Variants in RORC observed in about 807,000 individuals in gnomAD.
The protein encoded by RORC is nuclear receptor ROR-gamma.
Under a neutral mutation model 64.5 loss-of-function variants are expected in RORC, and 13 were observed. The ratio of observed to expected loss-of-function variants is 0.20; its 90% CI spans 0.13 to 0.32. The LOEUF is 0.32. Among genes scored for constraint, RORC ranks in the 10% least tolerant of loss-of-function variants. RORC has a pLI of 1.00. For synonymous variants in RORC, 277 were observed against 259.3 expected (o/e 1.07, Z -0.65); for missense variants, 468 against 669.5 (o/e 0.70, Z 3.32).
chr1:151,825,805 A>C, intron 2 of RORC: 1 of 1,152,576 alleles, frequency 8.7e-7, no homozygotes, highest in Non-Finnish European at 1.3e-6. Flanking sequence ...ACAGATCTTG[A>C]CCTTGACCAG....
chr1:151,831,313 C>A (rs1051955352), intron 1 of RORC, among the ~76,000 whole-genome samples: 1 of 152,190 alleles, frequency 6.6e-6, no homozygotes, highest in Non-Finnish European at 1.5e-5. Context: ...CTCCCGGCCA[C>A]TGCTGTCTGG....
At chr1:151,820,041 G>A (rs764659576) in intron 2 of RORC, among the ~76,000 whole-genome samples, 6 of 152,096 alleles carry the variant, frequency 3.9e-5, no homozygotes, top group South Asian at 2.1e-4. Context: ...AGACGGCTGC[G>A]GAAACACTGA....
chr1:151,813,395 G>A (rs1381830134), intron 7 of RORC, 49 bp from the exon 8 acceptor site: 3 of 1,607,656 alleles, frequency 1.9e-6, no homozygotes, highest in Non-Finnish European at 2.6e-6. Flanking sequence ...GCAAAGCCAG[G>A]ATCTGACTCT....
chr1:151,818,923 C>G (rs1159279650), intron 2 of RORC, among the ~76,000 whole-genome samples: 1 of 152,158 alleles, frequency 6.6e-6, no homozygotes, highest in African/African-American at 2.4e-5. Context: ...AACCATCATC[C>G]CTCAGGCCAG....
At chr1:151,818,562 C>A (rs1651862343) in intron 2 of RORC, among the ~76,000 whole-genome samples, 2 of 152,198 alleles carry the variant, frequency 1.3e-5, no homozygotes, top group Admixed American at 1.3e-4. Flanking sequence ...GGTAGCTGGG[C>A]AAAGCTTGGG....
chr1:151,829,525 C>T (rs377513690), intron 1 of RORC, 67 bp from the exon 2 acceptor site: 77 of 1,380,428 alleles, frequency 5.6e-5, no homozygotes, highest in Non-Finnish European at 6.9e-5. Context: ...ACACTTTCCC[C>T]ACTCCTAGGA....
At chr1:151,814,550 T>C in intron 6 of RORC, 24 bp downstream of exon 6, 1 of 1,601,642 alleles carries the variant, frequency 6.2e-7, no homozygotes. Context: ...ATACGTTCCC[T>C]TCCTGCAGGT....
rs1307031482 is a variant in RORC, at chr1:151,809,126, T to C, written c.1396-1493A>G. Among the ~76,000 whole-genome samples the C allele has an allele frequency of 2.6e-5, 4 of 152,232 alleles. No individual in the cohort carries two copies. The East Asian group carries it at 7.7e-4, about 29-fold the overall frequency. Reference sequence around the variant, plus strand: ...TGAGAACAGGAGTCAAGGCCAGGTGTGGTGGTTCACGCCTGTAATCCCAAC... The same window carrying C: ...TGAGAACAGGAGTCAAGGCCAGGTGCGGTGGTTCACGCCTGTAATCCCAAC... On this transcript the variant is annotated intron_variant, in intron 10 of 10. Coordinates refer to ENST00000318247, the MANE Select transcript of RORC (RefSeq NM_005060.4).
At position 151,830,933 on chromosome 1, in the gene RORC, C is replaced by T. The variant is rs1187555584; in HGVS notation, c.40+792G>A. The T allele has an allele frequency of 7.8e-7, 1 of 1,288,836 alleles. No individual in the cohort carries two copies. The highest frequency in any genetic ancestry group is 1.2e-5 in the South Asian group (1 of 80,978). The allele number at this position is 1,288,836 out of a possible 1,614,324, so 79.8% of individuals were successfully genotyped here. A position where few individuals can be genotyped will look rare whatever the true frequency, so the allele number is the denominator to read the frequency against. On this transcript the variant is annotated intron_variant, in intron 1 of 10. Coordinates refer to ENST00000318247, the MANE Select transcript of RORC (RefSeq NM_005060.4). The surrounding 1 kb of genome is among the most constrained non-coding windows in gnomAD (Gnocchi z 4.0). ...GGGGTGCTCCCCTTGCTCACCCAGG[C>T]AGCCAGTTCTTCCTCCACCAGGTGG...
intron 10 of RORC, among the ~76,000 whole-genome samples, chr1:151,811,062 G>C (rs1445960109): frequency 6.6e-6 from 1 of 152,204 alleles, no homozygotes; most frequent in East Asian, 1.9e-4. Flanking sequence ...TGTACAAGCA[G>C]GTGCTGGGTA....
In RORC at chr1:151,815,341, T is replaced by TGCTGTTGCC. The variant is rs1219537226; in HGVS notation, c.374_382dup (p.Arg125_Gln127dup). ...GGTCTTGACCACTGGTTCCTGTTGC[T>TGCTGTTGCC]GCTGTTGCCGCTGCTGCAGCTGTTT... On this transcript the variant is annotated inframe_insertion, in exon 5 of 11. Coordinates refer to ENST00000318247, the MANE Select transcript of RORC (RefSeq NM_005060.4). 3.8e-6 allele frequency: 6 copies of TGCTGTTGCC among 1,593,506 alleles called. No individual in the cohort carries two copies. Among genetic ancestry groups the TGCTGTTGCC allele is most frequent in the Non-Finnish European group, 5.1e-6 (6 of 1,169,064 alleles).
At chr1:151,813,797 C>G in intron 6 of RORC, 177 bp from the exon 7 acceptor site, 3 of 681,238 alleles carry the variant, frequency 4.4e-6, no homozygotes, top group Non-Finnish European at 7.2e-6. Flanking sequence ...CAGTGAGTCC[C>G]ACACACTGAG....
rs1652091371 is a variant in RORC at position 151,823,918 on chromosome 1, A to G, written c.70+5511T>C. Among the ~76,000 whole-genome samples the G allele has an allele frequency of 2.0e-5, 3 of 152,180 alleles. No individual in the cohort carries two copies. In the South Asian group the frequency reaches 6.2e-4, roughly 32 times the overall value. On this transcript the variant is annotated intron_variant, in intron 2 of 10. Transcript: ENST00000318247. ...TGAAGTGGGATTATAGGCATGAGCC[A>G]CCACGCCCGGCTGCACCTCCATGCG...
chr1:151,811,249 C>T, intron 10 of RORC, 76 bp downstream of exon 10: 5 of 912,496 alleles, frequency 5.5e-6, no homozygotes, highest in Non-Finnish European at 8.9e-6. Context: ...TACCCACAGA[C>T]CCCGGCCCTC....
At chr1:151,829,052 A>AGGCCACCCC (rs1652303560) in intron 2 of RORC, among the ~76,000 whole-genome samples, 1 of 150,562 alleles carries the variant, frequency 6.6e-6, no homozygotes, top group African/African-American at 2.4e-5. Flanking sequence ...TGAGTTCCTG[A>AGGCCACCCC]GGCCACCCCG....
At chr1:151,821,473 C>A (rs1651991987) in intron 2 of RORC, among the ~76,000 whole-genome samples, 1 of 152,302 alleles carries the variant, frequency 6.6e-6, no homozygotes, top group South Asian at 2.1e-4. Context: ...TAGACATAAG[C>A]ATTGGCTGAA....
At chr1:151,831,011 C>A in intron 1 of RORC, 2 of 1,289,360 alleles carry the variant, frequency 1.6e-6, no homozygotes, top group Non-Finnish European at 2.0e-6. Flanking sequence ...ATGCTCACAG[C>A]TGACCAAGCC....
intron 3 of RORC, 84 bp downstream of exon 3, chr1:151,817,111 A>ACTGTGTGT: frequency 6.6e-6 from 1 of 151,328 alleles, no homozygotes; most frequent in Admixed American, 1.8e-4. Flanking sequence ...CTAAGGAGAC[A>ACTGTGTGT]CTGTGTGTGT....
At position 151,830,621 on chromosome 1, in the gene RORC, T is replaced by TACACACACACACACAC. The variant is rs1553293049; in HGVS notation, c.40+1088_40+1103dup. The stretch of plus-strand genomic sequence containing the variant: ...TGCTGTTCAGTCTTGACACCTGACA[T>TACACACACACACACAC]ACACACACACACACACACACACACA... On this transcript the variant is annotated intron_variant, in intron 1 of 10. Transcript: ENST00000318247. The surrounding 1 kb of genome is among the most constrained non-coding windows in gnomAD (Gnocchi z 4.0). Among the ~76,000 whole-genome samples the TACACACACACACACAC allele has an allele frequency of 0.081, 4,633 of 57,058 alleles. 200 individuals are homozygous for TACACACACACACACAC. Among genetic ancestry groups the TACACACACACACACAC allele is most frequent in the Non-Finnish European group, 0.13 (2,690 of 20,214 alleles). The allele number at this position is 57,058 out of a possible 152,430, so 37.4% of individuals were successfully genotyped here. A position where few individuals can be genotyped will look rare whatever the true frequency, so the allele number is the denominator to read the frequency against.
Sources: allele counts gnomAD v4.1 joint callset (sites outside exome capture counted in the v4.1 genomes callset), GRCh38; gene constraint gnomAD v4.1.1; non-coding constraint Gnocchi (gnomAD v3.1); transcripts MANE v1.5; gene names NCBI Gene and HGNC (gene_info 2026-07-23, HGNC 2026-07-21).